C2CD2L: variants seen among roughly 807,000 people sequenced by gnomAD.
The protein encoded by C2CD2L is phospholipid transfer protein C2CD2L.
Under a neutral mutation model 69.9 loss-of-function variants are expected in C2CD2L, and 24 were observed. The ratio of observed to expected loss-of-function variants is 0.34; its 90% CI spans 0.25 to 0.48. The LOEUF is 0.48. Ranked by LOEUF, C2CD2L falls within the 20% of genes least tolerant of loss-of-function variation. The probability of loss-of-function intolerance (pLI) is 0.99; values close to 1 mark genes in which losing one functional copy is unlikely to be tolerated. For missense variants in C2CD2L, 811 were observed against 941.5 expected (o/e 0.86, Z 1.81); for synonymous variants, 367 against 391.0 (o/e 0.94, Z 0.72).
intron 7 of C2CD2L, chr11:119,111,990 G>A (rs1233239563): frequency 2.3e-6 from 1 of 442,520 alleles, no homozygotes; most frequent in African/African-American, 2.0e-5. Context: ...CCACACTTTA[G>A]AGCAAGAGTA....
chr11:119,113,276 C>T, intron 10 of C2CD2L: 2 of 389,036 alleles, frequency 5.1e-6, no homozygotes, highest in Middle Eastern at 6.9e-4. Context: ...ATTTCTACCC[C>T]ACTCAGTGGG....
At chr11:119,112,050 C>T in intron 7 of C2CD2L, 2 of 501,276 alleles carry the variant, frequency 4.0e-6, no homozygotes, top group Non-Finnish European at 7.1e-6. Context: ...AGAGCTGGAG[C>T]AAATGAAAGA....
intron 13 of C2CD2L, chr11:119,115,745 C>T (rs901198375): frequency 1.7e-4 from 80 of 482,066 alleles, no homozygotes; most frequent in Non-Finnish European, 2.7e-4. Flanking sequence ...CGGCCAGCTC[C>T]GTGATATCTC....
Position 119,114,194 on chromosome 11 carries a change from C to G in C2CD2L, c.1738C>G (p.Pro580Ala), listed in dbSNP as rs1252344049. The G allele has an allele frequency of 2.5e-6, 4 of 1,614,040 alleles. No individual in the cohort carries two copies. Among genetic ancestry groups the G allele is most frequent in the Non-Finnish European group, 3.4e-6 (4 of 1,180,036 alleles). ...SGGPSSPPSD[P>A]PAMSPGPLDA... is the part of the protein sequence containing the mutation. ...AGGCCCCTCTTCACCTCCCTCAGAC[C>G]CACCAGCCATGTCTCCAGGACCGCT... Residue 580 changes from proline (P) to alanine (A), a missense_variant, in exon 13 of 14, where the codon CCA becomes GCA. Coordinates refer to ENST00000648610, the MANE Select transcript of C2CD2L (RefSeq NM_001290474.2). This position sits in a 1 kb window ranked among gnomAD's most constrained non-coding sequence, Gnocchi z 5.1.
rs1471799690 is a variant in C2CD2L, at chr11:119,111,645, G to T, written c.1019+16G>T. ...ACCTGGCACTGTAAGGAGTAACCCTGCCCCGACCCCATGCTCCAGAGCAGA... is the reference window on the plus strand; with the variant it reads ...ACCTGGCACTGTAAGGAGTAACCCTTCCCCGACCCCATGCTCCAGAGCAGA... On this transcript the variant is annotated intron_variant, in intron 7 of 13. Transcript: ENST00000648610. 1 of 1,554,842 alleles carries T rather than the reference G, an allele frequency of 6.4e-7. No individual in the cohort carries two copies. Among genetic ancestry groups the T allele is most frequent in the East Asian group, 2.2e-5 (1 of 44,550 alleles).
chr11:119,108,164 G>A (rs1386979200), intron 1 of C2CD2L, 69 bp downstream of exon 1: 1 of 1,085,874 alleles, frequency 9.2e-7, no homozygotes, highest in Non-Finnish European at 1.3e-6. Flanking sequence ...GACTGCTCGT[G>A]CTAGGAGGCC....
In C2CD2L at chr11:119,112,805, A is replaced by T. The variant is rs1176284771; in HGVS notation, c.1318A>T (p.Met440Leu). Residue 440 changes from methionine to leucine, a missense_variant, in exon 10 of 14, where the codon ATG becomes TTG. Met to Leu is a conservative substitution (Grantham distance 15). Coordinates refer to ENST00000648610, the MANE Select transcript of C2CD2L (RefSeq NM_001290474.2). ...GAAGATTGAGCTTGACCGGACCATC[A>T]TGCCCGATGGCACCATTGTCACCAC... is the stretch of plus-strand genomic sequence containing the variant. Reference protein sequence around the residue: ...TKKIELDRTIMPDGTIVTTVT... With the variant: ...TKKIELDRTILPDGTIVTTVT... 6.2e-7 allele frequency: 1 copy of T among 1,614,030 alleles called. No homozygotes were observed. The highest frequency in any genetic ancestry group is 1.1e-5 in the South Asian group (1 of 91,084).
At chr11:119,105,404 C>T (rs745355331), upstream of C2CD2L, among the ~76,000 whole-genome samples, 18 of 152,040 alleles carry the variant, frequency 1.2e-4, no homozygotes, top group Non-Finnish European at 1.9e-4. Context: ...TTTGGGAGGC[C>T]GAGGCGGGAG....
Position 119,111,035 on chromosome 11 carries a change from C to T in C2CD2L, c.682-17C>T, listed in dbSNP as rs1946724673. 6.2e-7 allele frequency: 1 copy of T among 1,613,074 alleles called. No homozygotes were observed. Reference sequence around the variant, plus strand: ...TGGGGGATCCACCTCCTTGTTGTTCCCTTCTTCTCTCTGCAGAGAGGTGAA... The same window carrying T: ...TGGGGGATCCACCTCCTTGTTGTTCTCTTCTTCTCTCTGCAGAGAGGTGAA... On this transcript the variant is annotated splice_polypyrimidine_tract_variant and intron_variant, in intron 4 of 13. Transcript: ENST00000648610.
At chr11:119,108,209 G>A in intron 1 of C2CD2L, 114 bp downstream of exon 1, 1 of 636,846 alleles carries the variant, frequency 1.6e-6, no homozygotes, top group Non-Finnish European at 2.7e-6. Context: ...GAACCCTATG[G>A]CTTCTCTTCC....
rs1424971265 is a variant in C2CD2L at position 119,116,454 on chromosome 11, A to C, written c.*198A>C. ...GAGAGGTGGGCACCCGGTGCCGAGG[A>C]CATGGACGAGGGACTGGTGGCTGGG... On this transcript the variant is annotated 3_prime_UTR_variant, in exon 14 of 14. Transcript: ENST00000648610. 1.7e-6 allele frequency: 1 copy of C among 600,998 alleles called. No homozygotes were observed. Among genetic ancestry groups the C allele is most frequent in the Non-Finnish European group, 3.0e-6 (1 of 337,742 alleles). 37.2% of individuals were successfully genotyped at this position (600,998 alleles called of 1,614,324 possible).
chr11:119,111,250 C>G lies in C2CD2L; in HGVS notation c.799-13C>G, dbSNP rs1946732981. On this transcript the variant is annotated splice_polypyrimidine_tract_variant and intron_variant, in intron 5 of 13. Coordinates refer to ENST00000648610, the MANE Select transcript of C2CD2L (RefSeq NM_001290474.2). ...TCAGGATTCTTGCTCTTTGGACCTT[C>G]TTCTGCTCTTAGGTACCCAGTGAGA... The G allele has an allele frequency of 5.0e-6, 8 of 1,613,566 alleles. No individual in the cohort carries two copies. Among genetic ancestry groups the G allele is most frequent in the Non-Finnish European group, 6.8e-6 (8 of 1,179,466 alleles).
rs199707788 is a variant in C2CD2L, at chr11:119,112,530, C to G, written c.1133C>G (p.Pro378Arg). ...CTGCCTGTGGGCTCCCCCTCCAGAC[C>G]ACTGTCTCGAAGACAGTTGTGCCCA... ...ATLPVGSPSR[P>R]LSRRQLCPLT... is the part of the protein sequence containing the mutation. The change falls in exon 9 of 14, where the codon CCA becomes CGA. Residue 378 changes from proline to arginine, a missense_variant. Physicochemically the swap from Pro to Arg is moderately radical, Grantham distance 103 (BLOSUM62 -2). Coordinates refer to ENST00000648610, the MANE Select transcript of C2CD2L (RefSeq NM_001290474.2). 6.8e-6 allele frequency: 11 copies of G among 1,613,664 alleles called. No homozygotes were observed. The East Asian group carries it at 2.5e-4, about 36-fold the overall frequency.
chr11:119,111,973 A>G, intron 7 of C2CD2L: 1 of 436,656 alleles, frequency 2.3e-6, no homozygotes. Flanking sequence ...AGGAGATGAC[A>G]TTTAAACCAC....
chr11:119,111,584 C>T lies in C2CD2L; in HGVS notation c.974C>T (p.Pro325Leu). The T allele has an allele frequency of 6.2e-7, 1 of 1,614,138 alleles. No individual in the cohort carries two copies. Among genetic ancestry groups the T allele is most frequent in the Non-Finnish European group, 8.5e-7 (1 of 1,180,040 alleles). The change falls in exon 7 of 14, where the codon CCC (proline) becomes CTC (leucine). Residue 325 changes from proline (P) to leucine (L), a missense_variant. Coordinates refer to ENST00000648610, the MANE Select transcript of C2CD2L (RefSeq NM_001290474.2). ...DNPMQQKWTK[P>L]ARAGSEVEWT... ...CCCATGCAGCAGAAGTGGACCAAGC[C>T]CGCGAGGGCTGGATCCGAGGTGGAG...
At position 119,113,651 on chromosome 11, in the gene C2CD2L, G is replaced by A. The variant is rs1162004973; in HGVS notation, c.1428G>A (p.Glu476=). The A allele has an allele frequency of 7.4e-6, 12 of 1,613,738 alleles. No homozygotes were observed. The Admixed American group carries it at 2.0e-4, about 27-fold the overall frequency. The change falls in exon 11 of 14, where the codon GAG becomes GAA. Residue 476 remains glutamate (E), a synonymous_variant. Transcript: ENST00000648610. ...SRSPSKVEVT[E]KTTTVLSESS... ...CCCCGTCCAAGGTGGAGGTGACCGA[G>A]AAGACGACAACTGTGCTGAGTGAGA...
chr11:119,113,752 G>A, intron 11 of C2CD2L, 40 bp downstream of exon 11: 1 of 1,613,146 alleles, frequency 6.2e-7, no homozygotes. Context: ...GGTTGGCCCT[G>A]GTGCCCCAGC....
chr11:119,107,594 G>A lies in C2CD2L; in HGVS notation c.-148G>A. 2.2e-6 allele frequency: 1 copy of A among 459,928 alleles called. No homozygotes were observed. The highest frequency in any genetic ancestry group is 4.9e-5 in the South Asian group (1 of 20,396). 28.5% of individuals were successfully genotyped at this position (459,928 alleles called of 1,614,324 possible). On this transcript the variant is annotated 5_prime_UTR_variant, in exon 1 of 14. Coordinates refer to ENST00000648610, the MANE Select transcript of C2CD2L (RefSeq NM_001290474.2). This position sits in a 1 kb window ranked among gnomAD's most constrained non-coding sequence, Gnocchi z 5.4. Reference sequence around the variant, plus strand: ...TCTCCTCGCCCTGTGGCACCCACTAGTCCTGGGCACTCAGCCGCGGAGAGC... The same window carrying A: ...TCTCCTCGCCCTGTGGCACCCACTAATCCTGGGCACTCAGCCGCGGAGAGC...
rs760779823 is a variant in C2CD2L, at chr11:119,114,354, A to G, written c.1898A>G (p.Lys633Arg). ...STGALETRSL[K>R]DHKVSFLRSG... ...GGTGCCCTGGAGACCCGCAGCCTCAAGGATCACAAAGGTAGGGGGACGTTG... is the reference window on the plus strand; with the variant it reads ...GGTGCCCTGGAGACCCGCAGCCTCAGGGATCACAAAGGTAGGGGGACGTTG... The change falls in exon 13 of 14, where the codon AAG becomes AGG. Residue 633 changes from lysine (K) to arginine (R), a missense_variant. Physicochemically the swap from Lys to Arg is conservative, Grantham distance 26. Coordinates refer to ENST00000648610, the MANE Select transcript of C2CD2L (RefSeq NM_001290474.2). This position sits in a 1 kb window ranked among gnomAD's most constrained non-coding sequence, Gnocchi z 5.1. 6.2e-7 allele frequency: 1 copy of G among 1,614,120 alleles called. No individual in the cohort carries two copies. The highest frequency in any genetic ancestry group is 2.2e-5 in the East Asian group (1 of 44,872).
Sources: allele counts gnomAD v4.1 joint callset (sites outside exome capture counted in the v4.1 genomes callset), GRCh38; gene constraint gnomAD v4.1.1; non-coding constraint Gnocchi (gnomAD v3.1); transcripts MANE v1.5; gene names NCBI Gene and HGNC (gene_info 2026-07-23, HGNC 2026-07-21).